Variants in ASS1 observed in about 807,000 individuals in gnomAD.
ASS1 encodes argininosuccinate synthase.
A neutral mutation model predicts 60.5 loss-of-function variants in ASS1; 58 were observed. That is an observed-to-expected ratio of 0.96 (90% confidence interval 0.78 to 1.19). ASS1 has a LOEUF of 1.19. ASS1 is among the 50% of genes most tolerant of loss of function. The probability of loss-of-function intolerance (pLI) is 0.00; values close to 1 mark genes in which losing one functional copy is unlikely to be tolerated. For missense variants in ASS1, 454 were observed against 547.3 expected (o/e 0.83, Z 1.70); for synonymous variants, 200 against 206.9 (o/e 0.97, Z 0.29).
chr9:130,474,321 A>G (rs1845960618), intron 8 of ASS1, among the ~76,000 whole-genome samples: 1 of 151,606 alleles, frequency 6.6e-6, no homozygotes, highest in South Asian at 2.1e-4. Flanking sequence ...GTCTGCAGAA[A>G]CTCGTCCTCC....
intron 14 of ASS1, 65 bp downstream of exon 14, chr9:130,499,635 C>T: frequency 1.3e-6 from 2 of 1,497,610 alleles, no homozygotes; most frequent in South Asian, 2.3e-5. Flanking sequence ...GCTTTGAGAG[C>T]CCCCAGGTGT....
In ASS1 at chr9:130,499,576, A is replaced by C; in HGVS notation, c.1193+6A>C. ...ATCAACATCAATTCCCTCAGGTGAG[A>C]AGCTCAGGGCCCTGACGGGCCTTCA... On this transcript the variant is annotated splice_donor_region_variant and intron_variant, in intron 14 of 14. Coordinates refer to ENST00000352480, the MANE Select transcript of ASS1 (RefSeq NM_054012.4). The C allele has an allele frequency of 6.2e-7, 1 of 1,612,632 alleles. No individual in the cohort carries two copies. Among genetic ancestry groups the C allele is most frequent in the Non-Finnish European group, 8.5e-7 (1 of 1,179,358 alleles).
intron 1 of ASS1, chr9:130,451,857 T>C: frequency 2.1e-6 from 1 of 479,286 alleles, no homozygotes; most frequent in Non-Finnish European, 4.1e-6. Flanking sequence ...CCAAGGCCCC[T>C]CCCACATCTC....
At position 130,476,655 on chromosome 9, in the gene ASS1, GA is replaced by G; in HGVS notation, c.598-211del. ...GAAAAAGATGAGATCAAGTTGAGGG[GA>G]AAAATTGTCTGATTTCTCCAGCCCT... is the stretch of plus-strand genomic sequence containing the variant. On this transcript the variant is annotated intron_variant, in intron 8 of 14. Coordinates refer to ENST00000352480, the MANE Select transcript of ASS1 (RefSeq NM_054012.4). This position sits in a 1 kb window ranked among gnomAD's most constrained non-coding sequence, Gnocchi z 4.9. 1 of 608,660 alleles carries G rather than the reference GA, an allele frequency of 1.6e-6. No homozygotes were observed. Among genetic ancestry groups the G allele is most frequent in the East Asian group, 2.8e-5 (1 of 36,310 alleles). The allele number at this position is 608,660 out of a possible 1,614,324, so 37.7% of individuals were successfully genotyped here.
intron 4 of ASS1, 47 bp downstream of exon 4, chr9:130,458,636 G>A (rs1267548334): frequency 1.3e-6 from 2 of 1,590,732 alleles, no homozygotes; most frequent in Non-Finnish European, 1.7e-6. Context: ...GAGGCGGAGG[G>A]GTGTGGGAAG....
intron 6 of ASS1, among the ~76,000 whole-genome samples, chr9:130,469,534 C>T (rs993252703): frequency 7.2e-5 from 11 of 152,048 alleles, no homozygotes; most frequent in African/African-American, 2.7e-4. Flanking sequence ...CCTCAGTCTC[C>T]CAAGTAGCTG....
In ASS1 at chr9:130,478,724, A is replaced by G. The variant is rs1423427578; in HGVS notation, c.689-992A>G. ...GGAGGGAGAGAAAGGGAGAGAGGAG[A>G]GGCGGGGGGTGGTGAGAGGGGCTTA... On this transcript the variant is annotated intron_variant, in intron 9 of 14. Coordinates refer to ENST00000352480, the MANE Select transcript of ASS1 (RefSeq NM_054012.4). The surrounding 1 kb of genome is among the most constrained non-coding windows in gnomAD (Gnocchi z 4.7). 6.6e-6 allele frequency among the ~76,000 whole-genome samples: 1 copy of G among 152,084 alleles called. No individual in the cohort carries two copies. The highest frequency in any genetic ancestry group is 1.9e-4 in the East Asian group (1 of 5,186).
intron 8 of ASS1, among the ~76,000 whole-genome samples, chr9:130,471,782 C>T (rs1160379202): frequency 6.6e-6 from 1 of 152,138 alleles, no homozygotes; most frequent in African/African-American, 2.4e-5. Context: ...CTCAGGGCAG[C>T]ATAGAGAGAG....
rs1457307935 is a variant in ASS1 at position 130,477,580 on chromosome 9, C to T, written c.688+619C>T. ...GCTGTCAACAAGAAGCGTTTGCTGA[C>T]CTGGCCTGAGTGCCTGGGTGCCTGA... On this transcript the variant is annotated intron_variant, in intron 9 of 14. Transcript: ENST00000352480. This position sits in a 1 kb window ranked among gnomAD's most constrained non-coding sequence, Gnocchi z 4.2. Among the ~76,000 whole-genome samples, 1 of 152,230 alleles carries T rather than the reference C, an allele frequency of 6.6e-6. No homozygotes were observed. The highest frequency in any genetic ancestry group is 2.4e-5 in the African/African-American group (1 of 41,470).
intron 8 of ASS1, among the ~76,000 whole-genome samples, chr9:130,473,975 C>T (rs999964414): frequency 5.3e-5 from 8 of 151,132 alleles, no homozygotes; most frequent in Non-Finnish European, 1.2e-4. Context: ...TTCTCGGGGC[C>T]TGTTTCATGC....
chr9:130,448,820 G>A (rs142943859), intron 1 of ASS1, among the ~76,000 whole-genome samples: 37 of 152,234 alleles, frequency 2.4e-4, no homozygotes, highest in African/African-American at 7.5e-4. Context: ...CACCTCGGCC[G>A]TCCAAAGTGC....
chr9:130,479,579 T>C (rs558724776), intron 9 of ASS1, 137 bp from the exon 10 acceptor site: 5 of 756,210 alleles, frequency 6.6e-6, no homozygotes, highest in Non-Finnish European at 1.2e-5. Context: ...CACAGGGCTT[T>C]TGAAGGAGTC....
At chr9:130,486,068 C>G (rs891240783) in intron 11 of ASS1, among the ~76,000 whole-genome samples, 1 of 152,090 alleles carries the variant, frequency 6.6e-6, no homozygotes, top group Non-Finnish European at 1.5e-5. Context: ...CTCACTGCAG[C>G]CTCAACCTCC....
Position 130,489,294 on chromosome 9 carries a change from C to G in ASS1, c.839-39C>G. On this transcript the variant is annotated intron_variant, in intron 11 of 14. Coordinates refer to ENST00000352480, the MANE Select transcript of ASS1 (RefSeq NM_054012.4). This position sits in a 1 kb window ranked among gnomAD's most constrained non-coding sequence, Gnocchi z 4.1. The stretch of plus-strand genomic sequence containing the variant: ...CAGTTTGGGTTTCATGCGTTTCTCT[C>G]TTTTTTCTCCTTTTCCCCCTGCCTG... 6.2e-7 allele frequency: 1 copy of G among 1,604,812 alleles called. No individual in the cohort carries two copies. Among genetic ancestry groups the G allele is most frequent in the Non-Finnish European group, 8.5e-7 (1 of 1,175,842 alleles).
In ASS1 at chr9:130,464,038, G is replaced by A. The variant is rs536969867; in HGVS notation, c.364-73G>A. 1.6e-4 allele frequency: 253 copies of A among 1,542,652 alleles called. 3 individuals are homozygous for A. The Middle Eastern group carries it at 2.2e-3, about 13-fold the overall frequency. ...TCTGTCTCCGCCACGGGCTGTCCTTGTCCTCACGTCCTCCCCCAGACTCCA... is the reference window on the plus strand; with the variant it reads ...TCTGTCTCCGCCACGGGCTGTCCTTATCCTCACGTCCTCCCCCAGACTCCA... On this transcript the variant is annotated intron_variant, in intron 4 of 14. Coordinates refer to ENST00000352480, the MANE Select transcript of ASS1 (RefSeq NM_054012.4).
chr9:130,458,366 G>T, intron 3 of ASS1, 35 bp from the exon 4 acceptor site: 1 of 1,611,752 alleles, frequency 6.2e-7, no homozygotes, highest in Non-Finnish European at 8.5e-7. Flanking sequence ...CCCTGTCCTT[G>T]CCTACTTCTT....
intron 3 of ASS1, 76 bp downstream of exon 3, chr9:130,454,449 C>T: frequency 2.1e-6 from 3 of 1,417,338 alleles, no homozygotes; most frequent in Non-Finnish European, 2.9e-6. Flanking sequence ...GCTCCTGCCC[C>T]AGGGATCCCA....
chr9:130,458,694 C>G (rs1845510698), intron 4 of ASS1, 105 bp downstream of exon 4: 2 of 1,457,522 alleles, frequency 1.4e-6, no homozygotes, highest in African/African-American at 2.8e-5. Context: ...CCGGGGCAGA[C>G]TTGGTGCAAG....
intron 6 of ASS1, among the ~76,000 whole-genome samples, chr9:130,468,177 A>G (rs922448993): frequency 6.6e-6 from 1 of 152,216 alleles, no homozygotes; most frequent in Non-Finnish European, 1.5e-5. Context: ...ATGACTGAGC[A>G]GTGATGAGGC....
Sources: gnomAD v4.1 joint callset for allele counts (sites outside exome capture counted in the v4.1 genomes callset) on GRCh38, gnomAD v4.1.1 for gene constraint, Gnocchi (gnomAD v3.1) non-coding constraint, MANE v1.5 for transcripts, NCBI Gene and HGNC (gene_info 2026-07-23, HGNC 2026-07-21) for gene names.